EXTL3: variants seen among roughly 807,000 people sequenced by gnomAD.
The protein encoded by EXTL3 is exostosin-like 3.
A neutral mutation model predicts 69.3 loss-of-function variants in EXTL3; 27 were observed. The ratio of observed to expected loss-of-function variants is 0.39; its 90% CI spans 0.29 to 0.54. The LOEUF is 0.54. Among genes scored for constraint, EXTL3 ranks in the 20% least tolerant of loss-of-function variants. The pLI is 0.69. For synonymous variants in EXTL3, 511 were observed against 499.4 expected, an observed-to-expected ratio of 1.02 and a Z score of -0.31; for missense variants, 1,003 against 1,231.8, an observed-to-expected ratio of 0.81 and a Z score of 2.78.
intron 1 of EXTL3, among the ~76,000 whole-genome samples, chr8:28,684,007 C>T (rs1272641391): frequency 6.6e-6 from 1 of 152,108 alleles, no homozygotes; most frequent in Non-Finnish European, 1.5e-5. Context: ...TCTTAGCTCC[C>T]ACAAATACGT....
chr8:28,750,813 C>G lies in EXTL3; in HGVS notation c.2707C>G (p.Leu903Val). The stretch of plus-strand genomic sequence containing the variant: ...CACGCAGTTCAGGGTGGATTCTGTG[C>G]TCTTCAAGACACGCCTGCCCCATGA... ...LYTQFRVDSV[L>V]FKTRLPHDKT... is the part of the protein sequence containing the mutation. Residue 903 changes from leucine (L) to valine (V), a missense_variant, in exon 7 of 7, where the codon CTC becomes GTC. Physicochemically the swap from Leu to Val is conservative, Grantham distance 32 (BLOSUM62 1). Coordinates refer to ENST00000220562, the MANE Select transcript of EXTL3 (RefSeq NM_001440.4). The surrounding 1 kb of genome is among the most constrained non-coding windows in gnomAD (Gnocchi z 5.2). 6.2e-7 allele frequency: 1 copy of G among 1,614,198 alleles called. No individual in the cohort carries two copies. The highest frequency in any genetic ancestry group is 8.5e-7 in the Non-Finnish European group (1 of 1,180,038).
intron 1 of EXTL3, among the ~76,000 whole-genome samples, chr8:28,659,150 T>A (rs1807063110): frequency 6.6e-6 from 1 of 152,358 alleles, no homozygotes; most frequent in Non-Finnish European, 1.5e-5. Flanking sequence ...CTGTGCCAAT[T>A]TGTACTTCTA....
Position 28,754,668 on chromosome 8 carries a change from C to T in EXTL3, c.*3802C>T, listed in dbSNP as rs556765786. ...ATGTCTGCTTTGAGTCTATACCTGTCGAGTTGTGTCTTGGACTTACGGTCT... is the reference window on the plus strand; with the variant it reads ...ATGTCTGCTTTGAGTCTATACCTGTTGAGTTGTGTCTTGGACTTACGGTCT... On this transcript the variant is annotated 3_prime_UTR_variant, in exon 7 of 7. Coordinates refer to ENST00000220562, the MANE Select transcript of EXTL3 (RefSeq NM_001440.4). 15 of 152,208 alleles carry T rather than the reference C, an allele frequency of 9.9e-5. No individual in the cohort carries two copies. Among genetic ancestry groups the T allele is most frequent in the Non-Finnish European group, 1.5e-5 (1 of 68,042 alleles). 9.4% of individuals were successfully genotyped at this position (152,208 alleles called of 1,614,324 possible). A position where few individuals can be genotyped will look rare whatever the true frequency, so the allele number is the denominator to read the frequency against.
intron 1 of EXTL3, among the ~76,000 whole-genome samples, chr8:28,676,089 A>G (rs970312856): frequency 6.6e-6 from 1 of 152,046 alleles, no homozygotes; most frequent in African/African-American, 2.4e-5. Flanking sequence ...TGGCTGAAAC[A>G]TAGACTCAAA....
At chr8:28,672,783 C>A (rs896812597) in intron 1 of EXTL3, among the ~76,000 whole-genome samples, 1 of 152,122 alleles carries the variant, frequency 6.6e-6, no homozygotes, top group African/African-American at 2.4e-5. Context: ...GACCTAAAAC[C>A]TAGAAAGGTA....
chr8:28,705,736 G>C (rs935158729), intron 1 of EXTL3, among the ~76,000 whole-genome samples: 9 of 152,136 alleles, frequency 5.9e-5, no homozygotes, highest in Non-Finnish European at 1.3e-4. Context: ...TTATATTCTA[G>C]GCACTTGCAT....
At chr8:28,745,774 C>T (rs975971156) in intron 6 of EXTL3, among the ~76,000 whole-genome samples, 22 of 152,192 alleles carry the variant, frequency 1.4e-4, no homozygotes, top group Admixed American at 1.4e-3. Flanking sequence ...TTGTCTACTG[C>T]ATTATTAGGC....
chr8:28,719,711 G>C (rs1460270900), intron 3 of EXTL3, among the ~76,000 whole-genome samples: 1 of 151,980 alleles, frequency 6.6e-6, no homozygotes, highest in East Asian at 1.9e-4. Flanking sequence ...ACAACTTTAT[G>C]TCATTGAAAT....
intron 2 of EXTL3, 136 bp downstream of exon 2, chr8:28,713,686 G>C (rs1362433412): frequency 1.6e-6 from 1 of 611,860 alleles, no homozygotes; most frequent in Non-Finnish European, 2.9e-6. Flanking sequence ...TTAAACATTT[G>C]AATCACAAGG....
chr8:28,713,489 A>G lies in EXTL3; in HGVS notation c.-537A>G. 1 of 700,428 alleles carries G rather than the reference A, an allele frequency of 1.4e-6. No homozygotes were observed. Among genetic ancestry groups the G allele is most frequent in the Non-Finnish European group, 2.6e-6 (1 of 384,278 alleles). 43.4% of individuals were successfully genotyped at this position (700,428 alleles called of 1,614,324 possible). On this transcript the variant is annotated 5_prime_UTR_variant, in exon 2 of 7. Coordinates refer to ENST00000220562, the MANE Select transcript of EXTL3 (RefSeq NM_001440.4). Reference sequence around the variant, plus strand: ...AGCCCTGGAGGTTCACTCTTTCAAGAAGTCGTGTGCTGAGGTGTAATGCTA... The same window carrying G: ...AGCCCTGGAGGTTCACTCTTTCAAGGAGTCGTGTGCTGAGGTGTAATGCTA...
chr8:28,712,672 G>A (rs1051280198), intron 1 of EXTL3, among the ~76,000 whole-genome samples: 4 of 152,162 alleles, frequency 2.6e-5, no homozygotes, highest in Admixed American at 6.5e-5. Flanking sequence ...TGTTTAGGAA[G>A]GAATGCTCAT....
intron 3 of EXTL3, among the ~76,000 whole-genome samples, chr8:28,721,368 G>A (rs1801289070): frequency 6.6e-6 from 1 of 152,186 alleles, no homozygotes; most frequent in Admixed American, 6.5e-5. Context: ...CTCCTGTCTG[G>A]AATTTTCTCC....
At chr8:28,737,096 C>T (rs1173620065) in intron 4 of EXTL3, among the ~76,000 whole-genome samples, 3 of 152,348 alleles carry the variant, frequency 2.0e-5, no homozygotes, top group African/African-American at 7.2e-5. Context: ...AGGCATGAGC[C>T]ATCCCACCAA....
chr8:28,664,765 C>T (rs908320478), intron 1 of EXTL3, among the ~76,000 whole-genome samples: 3 of 152,110 alleles, frequency 2.0e-5, no homozygotes, highest in Admixed American at 1.3e-4. Flanking sequence ...CATCTCCCCC[C>T]GGAAGCTTTC....
chr8:28,667,816 C>T (rs1807219698), intron 1 of EXTL3, among the ~76,000 whole-genome samples: 1 of 149,000 alleles, frequency 6.7e-6, no homozygotes, highest in Non-Finnish European at 1.5e-5. Context: ...ACATATGTAA[C>T]AAACCTGCAC....
intron 4 of EXTL3, among the ~76,000 whole-genome samples, chr8:28,733,973 A>G (rs1470729172): frequency 1.3e-5 from 2 of 151,844 alleles, no homozygotes; most frequent in Non-Finnish European, 2.9e-5. Flanking sequence ...GCCTGCCACC[A>G]TGCCTGGCTA....
intron 6 of EXTL3, among the ~76,000 whole-genome samples, chr8:28,746,877 T>C (rs182629180): frequency 2.0e-5 from 3 of 152,328 alleles, no homozygotes; most frequent in African/African-American, 7.2e-5. Context: ...GGTTTCACCA[T>C]GTTGGCCAGG....
chr8:28,662,490 A>G (rs991674732), intron 1 of EXTL3, among the ~76,000 whole-genome samples: 4 of 152,230 alleles, frequency 2.6e-5, no homozygotes, highest in Non-Finnish European at 5.9e-5. Flanking sequence ...GTTAGATTTA[A>G]GTTAGAAATA....
chr8:28,615,033 T>C (rs1806314429), intron 2 of EXTL3, among the ~76,000 whole-genome samples: 1 of 149,726 alleles, frequency 6.7e-6, no homozygotes, highest in African/African-American at 2.5e-5. Context: ...TTATGTTGTT[T>C]AATCTCCAAA....
Sources: allele counts gnomAD v4.1 joint callset (sites outside exome capture counted in the v4.1 genomes callset), GRCh38; gene constraint gnomAD v4.1.1; non-coding constraint Gnocchi (gnomAD v3.1); transcripts MANE v1.5; gene names NCBI Gene and HGNC (gene_info 2026-07-23, HGNC 2026-07-21).